Variants in IFIT2 observed in about 807,000 individuals in gnomAD.
IFIT2 encodes the protein interferon induced protein with tetratricopeptide repeats 2.
IFIT2 carries 3 observed loss-of-function variants against 2.5 expected under a neutral mutation model. The ratio of observed to expected loss-of-function variants is 1.21; its 90% CI spans 0.55 to 3.14. The LOEUF (loss-of-function observed/expected upper bound fraction) is 3.14. Ranked by LOEUF, IFIT2 falls within the 30% of genes most tolerant of loss-of-function variation. The pLI is 0.03. For synonymous variants in IFIT2, 212 were observed against 200.7 expected (o/e 1.06, Z -0.48); for missense variants, 493 against 558.9 (o/e 0.88, Z 1.19).
chr10:89,303,863 T>C (rs1260562449), intron 1 of IFIT2, among the ~76,000 whole-genome samples: 1 of 152,166 alleles, frequency 6.6e-6, no homozygotes, highest in African/African-American at 2.4e-5. Context: ...TTAGGATGCG[T>C]GCTGCACATG....
Position 89,307,392 on chromosome 10 carries a change from G to C in IFIT2, c.*17G>C, listed in dbSNP as rs763222492. On this transcript the variant is annotated 3_prime_UTR_variant, in exon 2 of 2. Coordinates refer to ENST00000371826, the MANE Select transcript of IFIT2 (RefSeq NM_001547.5). Reference sequence around the variant, plus strand: ...GGGGAATGAAGAATAGAGATGTGGTGCCCACTAGGCTACTGCTGAAAGGGA... The same window carrying C: ...GGGGAATGAAGAATAGAGATGTGGTCCCCACTAGGCTACTGCTGAAAGGGA... 6.4e-7 allele frequency: 1 copy of C among 1,561,082 alleles called. No homozygotes were observed. Among genetic ancestry groups the C allele is most frequent in the Non-Finnish European group, 8.7e-7 (1 of 1,147,732 alleles).
intron 1 of IFIT2, among the ~76,000 whole-genome samples, chr10:89,303,798 G>A (rs1003231876): frequency 6.6e-6 from 1 of 152,224 alleles, no homozygotes; most frequent in Non-Finnish European, 1.5e-5. Flanking sequence ...AACTCAACTG[G>A]AAGTTGGAAA....
rs1474108195 is a variant in IFIT2, at chr10:89,307,531, G to T, written c.*156G>T. On this transcript the variant is annotated 3_prime_UTR_variant, in exon 2 of 2. Coordinates refer to ENST00000371826, the MANE Select transcript of IFIT2 (RefSeq NM_001547.5). The stretch of plus-strand genomic sequence containing the variant: ...ACAGGGTTATGTTAACACCTGAATT[G>T]CTGGGTCTTGAGAGAGCCCAAGGAG... The T allele has an allele frequency of 1.4e-5, 9 of 632,576 alleles. No homozygotes were observed. Among genetic ancestry groups the T allele is most frequent in the Non-Finnish European group, 2.1e-5 (8 of 375,940 alleles). 39.2% of individuals were successfully genotyped at this position (632,576 alleles called of 1,614,324 possible). A position where few individuals can be genotyped will look rare whatever the true frequency, so the allele number is the denominator to read the frequency against.
intron 1 of IFIT2, 45 bp downstream of exon 1, chr10:89,302,173 T>C: frequency 2.5e-6 from 4 of 1,607,188 alleles, no homozygotes; most frequent in African/African-American, 1.3e-5. Flanking sequence ...TGAGTCATCT[T>C]GTCCAATGCA....
Position 89,308,053 on chromosome 10 carries a change from CTT to C in IFIT2, c.*680_*681del, listed in dbSNP as rs1162308084. The C allele has an allele frequency of 6.6e-6, 1 of 152,380 alleles. No individual in the cohort carries two copies. Among genetic ancestry groups the C allele is most frequent in the Non-Finnish European group, 1.5e-5 (1 of 68,202 alleles). The allele number at this position is 152,380 out of a possible 1,614,324, so 9.4% of individuals were successfully genotyped here. On this transcript the variant is annotated 3_prime_UTR_variant, in exon 2 of 2. Coordinates refer to ENST00000371826, the MANE Select transcript of IFIT2 (RefSeq NM_001547.5). Reference sequence around the variant, plus strand: ...ACAAAAAGCAATGTGTACAAGAAGACTTTCAGCAAGTATACAGAGAGTTCACC... The same window carrying C: ...ACAAAAAGCAATGTGTACAAGAAGACTCAGCAAGTATACAGAGAGTTCACC...
chr10:89,307,418 G>C lies in IFIT2; in HGVS notation c.*43G>C, dbSNP rs1255287352. The stretch of plus-strand genomic sequence containing the variant: ...CCCACTAGGCTACTGCTGAAAGGGA[G>C]CTGAAATTCCTCCACCAAGTTGGTA... On this transcript the variant is annotated 3_prime_UTR_variant, in exon 2 of 2. Transcript: ENST00000371826. The C allele has an allele frequency of 6.8e-7, 1 of 1,475,932 alleles. No homozygotes were observed. Among genetic ancestry groups the C allele is most frequent in the South Asian group, 1.3e-5 (1 of 79,732 alleles). 91.4% of individuals were successfully genotyped at this position (1,475,932 alleles called of 1,614,324 possible).
Position 89,307,294 on chromosome 10 carries a change from G to T in IFIT2, c.1338G>T (p.Met446Ile). The T allele has an allele frequency of 6.2e-7, 1 of 1,613,946 alleles. No individual in the cohort carries two copies. The highest frequency in any genetic ancestry group is 8.5e-7 in the Non-Finnish European group (1 of 1,179,922). ...LAFLQELNEK[M>I]QQADEDSERG... ...TCCTTCAGGAGCTGAATGAAAAAAT[G>T]CAACAAGCAGATGAAGACTCTGAGA... The change falls in exon 2 of 2, where the codon ATG becomes ATT. Residue 446 changes from methionine (M) to isoleucine (I), a missense_variant. By Grantham distance (10) the Met-to-Ile change is conservative (BLOSUM62 1). Transcript: ENST00000371826.
In IFIT2 at chr10:89,308,978, G is replaced by T. The variant is rs1843500616; in HGVS notation, c.*1603G>T. 6.6e-6 allele frequency: 1 copy of T among 152,176 alleles called. No homozygotes were observed. The allele number at this position is 152,176 out of a possible 1,614,324, so 9.4% of individuals were successfully genotyped here. A position where few individuals can be genotyped will look rare whatever the true frequency, so the allele number is the denominator to read the frequency against. ...CTGTACTTTAAATCTTTCAGACTCAGCTACTGATAAATGAAACGTTACACA... is the reference window on the plus strand; with the variant it reads ...CTGTACTTTAAATCTTTCAGACTCATCTACTGATAAATGAAACGTTACACA... On this transcript the variant is annotated 3_prime_UTR_variant, in exon 2 of 2. Coordinates refer to ENST00000371826, the MANE Select transcript of IFIT2 (RefSeq NM_001547.5).
In IFIT2 at chr10:89,307,675, G is replaced by T; in HGVS notation, c.*300G>T. ...CATTTGCTTAGTCACCTTTAGTGGAGTAATCTACTGGGCTTGTTTCTATAT... is the reference window on the plus strand; with the variant it reads ...CATTTGCTTAGTCACCTTTAGTGGATTAATCTACTGGGCTTGTTTCTATAT... On this transcript the variant is annotated 3_prime_UTR_variant, in exon 2 of 2. Transcript: ENST00000371826. 3.5e-6 allele frequency: 1 copy of T among 288,696 alleles called. No homozygotes were observed. The highest frequency in any genetic ancestry group is 7.2e-5 in the South Asian group (1 of 13,888). The allele number at this position is 288,696 out of a possible 1,614,324, so 17.9% of individuals were successfully genotyped here. A position where few individuals can be genotyped will look rare whatever the true frequency, so the allele number is the denominator to read the frequency against.
Position 89,307,450 on chromosome 10 carries a change from A to C in IFIT2, c.*75A>C. On this transcript the variant is annotated 3_prime_UTR_variant, in exon 2 of 2. Transcript: ENST00000371826. ...TTCCTCCACCAAGTTGGTATTCAAAATATGTAATGACTGGTATGGCAAAAG... is the reference window on the plus strand; with the variant it reads ...TTCCTCCACCAAGTTGGTATTCAAACTATGTAATGACTGGTATGGCAAAAG... 1 of 1,201,462 alleles carries C rather than the reference A, an allele frequency of 8.3e-7. No individual in the cohort carries two copies. The highest frequency in any genetic ancestry group is 1.2e-6 in the Non-Finnish European group (1 of 847,474). The allele number at this position is 1,201,462 out of a possible 1,614,324, so 74.4% of individuals were successfully genotyped here.
chr10:89,306,910 C>A lies in IFIT2; in HGVS notation c.954C>A (p.His318Gln), dbSNP rs150267128. 1 of 1,613,932 alleles carries A rather than the reference C, an allele frequency of 6.2e-7. No homozygotes were observed. Among genetic ancestry groups the A allele is most frequent in the South Asian group, 1.1e-5 (1 of 91,074 alleles). ...GAAAGTTACTGGAACTAATAGGACA[C>A]GCTGTGGCTCATCTGAAGAAAGCTG... is the stretch of plus-strand genomic sequence containing the variant. ...GKRKLLELIGHAVAHLKKADE... is the reference protein window; with the variant it reads ...GKRKLLELIGQAVAHLKKADE... The change falls in exon 2 of 2, where the codon CAC becomes CAA. Residue 318 changes from histidine to glutamine, a missense_variant. By Grantham distance (24) the His-to-Gln change is conservative. Coordinates refer to ENST00000371826, the MANE Select transcript of IFIT2 (RefSeq NM_001547.5).
chr10:89,308,108 T>C lies in IFIT2; in HGVS notation c.*733T>C, dbSNP rs1843494538. ...TACTCTGCCCTCCTCATAGTCATAA[T>C]GTAGCAAGTAAAGAATGAGAATGGA... On this transcript the variant is annotated 3_prime_UTR_variant, in exon 2 of 2. Coordinates refer to ENST00000371826, the MANE Select transcript of IFIT2 (RefSeq NM_001547.5). 1 of 152,216 alleles carries C rather than the reference T, an allele frequency of 6.6e-6. No homozygotes were observed. Among genetic ancestry groups the C allele is most frequent in the South Asian group, 2.1e-4 (1 of 4,832 alleles). The allele number at this position is 152,216 out of a possible 1,614,324, so 9.4% of individuals were successfully genotyped here.
At position 89,306,751 on chromosome 10, in the gene IFIT2, A is replaced by G. The variant is rs768881048; in HGVS notation, c.795A>G (p.Lys265=). The G allele has an allele frequency of 6.2e-7, 1 of 1,614,160 alleles. No individual in the cohort carries two copies. Among genetic ancestry groups the G allele is most frequent in the South Asian group, 1.1e-5 (1 of 91,078 alleles). Residue 265 remains lysine (K), a synonymous_variant, in exon 2 of 2, where the codon AAA becomes AAG. Transcript: ENST00000371826. ...KFYRRKDEPD[K]AIELLKKALE... is the part of the protein sequence containing the mutation. Reference sequence around the variant, plus strand: ...ATCGAAGAAAAGATGAGCCAGACAAAGCGATTGAACTGCTTAAAAAGGCTT... The same window carrying G: ...ATCGAAGAAAAGATGAGCCAGACAAGGCGATTGAACTGCTTAAAAAGGCTT...
In IFIT2 at chr10:89,308,733, G is replaced by T. The variant is rs1188221929; in HGVS notation, c.*1358G>T. ...GTATATATCAACATTATTTTATTGT[G>T]CAATTAAAACAATACAAATTCATGG... On this transcript the variant is annotated 3_prime_UTR_variant, in exon 2 of 2. Transcript: ENST00000371826. 6.6e-6 allele frequency: 1 copy of T among 152,106 alleles called. No individual in the cohort carries two copies. Among genetic ancestry groups the T allele is most frequent in the East Asian group, 1.9e-4 (1 of 5,202 alleles). 9.4% of individuals were successfully genotyped at this position (152,106 alleles called of 1,614,324 possible).
rs1312654833 is a variant in IFIT2, at chr10:89,307,951, G to A, written c.*576G>A. ...TATTCTACACAATGTGAATTCAAGT[G>A]CCTGATTAATTGAGGTGGCAACATA... On this transcript the variant is annotated 3_prime_UTR_variant, in exon 2 of 2. Transcript: ENST00000371826. The A allele has an allele frequency of 6.5e-6, 1 of 152,846 alleles. No individual in the cohort carries two copies. The highest frequency in any genetic ancestry group is 2.4e-5 in the African/African-American group (1 of 41,442). The allele number at this position is 152,846 out of a possible 1,614,324, so 9.5% of individuals were successfully genotyped here.
chr10:89,302,773 C>T (rs1843453500), intron 1 of IFIT2, among the ~76,000 whole-genome samples: 2 of 152,094 alleles, frequency 1.3e-5, no homozygotes, highest in African/African-American at 4.8e-5. Context: ...AAACATGAGA[C>T]TGCCCTGGAG....
intron 1 of IFIT2, among the ~76,000 whole-genome samples, chr10:89,305,229 G>T (rs1252751715): frequency 1.3e-5 from 2 of 152,042 alleles, no homozygotes; most frequent in East Asian, 1.9e-4. Flanking sequence ...AAGAATGGTT[G>T]AAAATAAGAT....
At chr10:89,305,737 C>G (rs938804551) in intron 1 of IFIT2, among the ~76,000 whole-genome samples, 1 of 152,098 alleles carries the variant, frequency 6.6e-6, no homozygotes, top group Non-Finnish European at 1.5e-5. Context: ...AGAGAACAAC[C>G]CACTGCCCTC....
Position 89,306,939 on chromosome 10 carries a change from A to C in IFIT2, c.983A>C (p.Glu328Ala), listed in dbSNP as rs1335740085. The C allele has an allele frequency of 6.2e-7, 1 of 1,614,048 alleles. No individual in the cohort carries two copies. The highest frequency in any genetic ancestry group is 8.5e-7 in the Non-Finnish European group (1 of 1,179,972). ...HAVAHLKKAD[E>A]ANDNLFRVCS... is the part of the protein sequence containing the mutation. ...GTGGCTCATCTGAAGAAAGCTGATG[A>C]GGCCAATGATAATCTCTTCCGTGTC... The change falls in exon 2 of 2, where the codon GAG (glutamate) becomes GCG (alanine). Residue 328 changes from glutamate to alanine, a missense_variant. By Grantham distance (107) the Glu-to-Ala change is moderately radical. Transcript: ENST00000371826.
Sources: gnomAD v4.1 joint callset for allele counts (sites outside exome capture counted in the v4.1 genomes callset) on GRCh38, gnomAD v4.1.1 for gene constraint, MANE v1.5 for transcripts, NCBI Gene and HGNC (gene_info 2026-07-23, HGNC 2026-07-21) for gene names.